The following MGAM variants were observed in gnomAD, a reference collection of about 807,000 sequenced individuals.
MGAM encodes the protein maltase-glucoamylase.
In MGAM, 253 loss-of-function variants were observed where a neutral mutation model predicts 358.8. That is an observed-to-expected ratio of 0.71 (90% CI 0.64 to 0.78). The LOEUF is 0.78. MGAM is among the 30% of genes least tolerant of loss of function. The pLI is 0.00. For synonymous variants in MGAM, 1,105 were observed against 1,227.1 expected (o/e 0.90, Z 2.08); for missense variants, 3,080 against 3,432.6 (o/e 0.90, Z 2.57).
chr7:142,059,263 G>T (rs1811855969), intron 31 of MGAM, among the ~76,000 whole-genome samples: 1 of 152,138 alleles, frequency 6.6e-6, no homozygotes, highest in Non-Finnish European at 1.5e-5. Context: ...AGCTTGTGCT[G>T]ACTTCGATTT....
chr7:142,038,547 A>G lies in MGAM; in HGVS notation c.2248A>G (p.Ser750Gly). The change falls in exon 19 of 71, where the codon AGC becomes GGC. Residue 750 changes from serine (S) to glycine (G), a missense_variant. Around this residue, in one of 5 missense-constraint regions of MGAM, gnomAD observed 1,816 missense variants for 1,840.5 expected, o/e 0.99. Transcript: ENST00000475668. ...PLLHEFYEDN[S>G]TWDVHQQFLW... The stretch of plus-strand genomic sequence containing the variant: ...GGTTTTCAGGTTCTACGAGGACAAC[A>G]GCACTTGGGATGTGCACCAACAGTT... 1 of 1,610,650 alleles carries G rather than the reference A, an allele frequency of 6.2e-7. No individual in the cohort carries two copies. Among genetic ancestry groups the G allele is most frequent in the South Asian group, 1.1e-5 (1 of 90,328 alleles).
At chr7:142,007,714 T>C (rs1805282148) in intron 2 of MGAM, among the ~76,000 whole-genome samples, 1 of 152,198 alleles carries the variant, frequency 6.6e-6, no homozygotes, top group Admixed American at 6.5e-5. Context: ...GATTTTTAAA[T>C]CTGAATTCAA....
intron 21 of MGAM, among the ~76,000 whole-genome samples, chr7:142,042,045 TATATA>T (rs1403886475): frequency 0.035 from 1,494 of 42,610 alleles, 165 homozygotes; most frequent in African/African-American, 0.19. Flanking sequence ...ATACATATAA[TATATA>T]ATATATATAC....
rs1554462921 is a variant in MGAM at position 142,030,468 on chromosome 7, A to G, written c.1328A>G (p.Asn443Ser). ...GAATTTGTCAACGAGTTACACAATA[A>G]TGGACAGAAGCTTGTCATCATTGTG... ...FPEFVNELHN[N>S]GQKLVIIVDP... Residue 443 changes from asparagine (N) to serine (S), a missense_variant, in exon 11 of 71, where the codon AAT becomes AGT. By Grantham distance (46) the Asn-to-Ser change is conservative (BLOSUM62 1). Around this residue, in one of 5 missense-constraint regions of MGAM, gnomAD observed 1,816 missense variants for 1,840.5 expected, o/e 0.99. Transcript: ENST00000475668. 3 of 1,613,720 alleles carry G rather than the reference A, an allele frequency of 1.9e-6. No individual in the cohort carries two copies. The highest frequency in any genetic ancestry group is 2.2e-5 in the East Asian group (1 of 44,848).
At chr7:142,035,143 C>T (rs1807872703) in intron 16 of MGAM, among the ~76,000 whole-genome samples, 1 of 152,034 alleles carries the variant, frequency 6.6e-6, no homozygotes, top group South Asian at 2.1e-4. Context: ...TGAATTTCAC[C>T]ACCTGAACAC....
At position 142,094,648 on chromosome 7, in the gene MGAM, A is replaced by T; in HGVS notation, c.7335A>T (p.Ile2445=). ...IGMMEFSLFG[I]SYTGADICGF... ...TGATGGAGTTCAGCCTCTTCGGCAT[A>T]TCCTATGTGAGTGTCCTTGGGATCC... Residue 2445 remains isoleucine (I), a synonymous_variant, in exon 62 of 71, where the codon ATA becomes ATT. Transcript: ENST00000475668. 1.2e-6 allele frequency: 2 copies of T among 1,611,524 alleles called. No individual in the cohort carries two copies. Among genetic ancestry groups the T allele is most frequent in the Middle Eastern group, 1.8e-4 (1 of 5,622 alleles).
intron 3 of MGAM, among the ~76,000 whole-genome samples, 187 bp from the exon 4 acceptor site, chr7:142,019,012 A>G (rs1344681964): frequency 2.6e-5 from 4 of 152,182 alleles, no homozygotes; most frequent in Non-Finnish European, 5.9e-5. Flanking sequence ...GACACTGGTC[A>G]GAAAAATTGG....
In MGAM at chr7:142,073,776, T is replaced by C. The variant is rs1414684629; in HGVS notation, c.5187-309T>C. Among the ~76,000 whole-genome samples, 8 of 146,130 alleles carry C rather than the reference T, an allele frequency of 5.5e-5. 2 individuals carry two copies. Among genetic ancestry groups the C allele is most frequent in the Non-Finnish European group, 6.2e-5 (4 of 64,556 alleles). On this transcript the variant is annotated intron_variant, in intron 44 of 70. Coordinates refer to ENST00000475668, the MANE Select transcript of MGAM (RefSeq NM_001365693.1). The stretch of plus-strand genomic sequence containing the variant: ...AGTTATTGCCTAAGATTTCTTTCTC[T>C]TCTCATACTCTGTATTCCGAACAGT...
In MGAM at chr7:142,031,722, A is replaced by C. The variant is rs1807509874; in HGVS notation, c.1513A>C (p.Asn505His). The C allele has an allele frequency of 1.2e-6, 2 of 1,613,474 alleles. No individual in the cohort carries two copies. The highest frequency in any genetic ancestry group is 8.5e-7 in the Non-Finnish European group (1 of 1,179,526). ...QTVFPDYTNP[N>H]CAVWWTKEFE... ...TGTGTTTCCTGATTATACCAATCCCAACTGTGCTGTTTGGTGGACAAAGGA... is the reference window on the plus strand; with the variant it reads ...TGTGTTTCCTGATTATACCAATCCCCACTGTGCTGTTTGGTGGACAAAGGA... Residue 505 changes from asparagine to histidine, a missense_variant, in exon 13 of 71, where the codon AAC (asparagine) becomes CAC (histidine). This residue lies in a region of MGAM where 1,816 missense variants were observed against 1,840.5 expected (regional missense o/e 0.99). Transcript: ENST00000475668.
chr7:142,024,831 T>C (rs782813023), intron 7 of MGAM, among the ~76,000 whole-genome samples: 1 of 152,196 alleles, frequency 6.6e-6, no homozygotes, highest in Non-Finnish European at 1.5e-5. Flanking sequence ...ACATTCCTTC[T>C]AGATGAATGA....
At chr7:142,033,922 C>T (rs1338300009) in intron 14 of MGAM, among the ~76,000 whole-genome samples, 1 of 152,168 alleles carries the variant, frequency 6.6e-6, no homozygotes, top group Admixed American at 6.5e-5. Context: ...TTAATTTACA[C>T]TTTCATTCAG....
upstream of MGAM, among the ~76,000 whole-genome samples, chr7:141,991,686 C>A (rs1438993806): frequency 6.6e-6 from 1 of 152,168 alleles, no homozygotes; most frequent in African/African-American, 2.4e-5. Context: ...CCGCCTGCCT[C>A]AGCCTCCCAA....
chr7:142,018,393 G>A (rs1309428478), intron 3 of MGAM, among the ~76,000 whole-genome samples: 1 of 152,210 alleles, frequency 6.6e-6, no homozygotes. Flanking sequence ...GAAGGTGAAA[G>A]AGAGCAAGCA....
upstream of MGAM, among the ~76,000 whole-genome samples, chr7:141,994,166 G>A (rs1804070432): frequency 6.6e-6 from 1 of 152,198 alleles, no homozygotes; most frequent in African/African-American, 2.4e-5. Context: ...GTGAGCCACT[G>A]CACCTGGCCT....
intron 28 of MGAM, 41 bp downstream of exon 28, chr7:142,055,767 C>G: frequency 6.2e-7 from 1 of 1,610,196 alleles, no homozygotes; most frequent in Non-Finnish European, 8.5e-7. Context: ...CTGCTTCTCT[C>G]CACCCACACT....
intron 42 of MGAM, 129 bp downstream of exon 42, chr7:142,067,554 C>T (rs969478016): frequency 3.0e-6 from 2 of 662,992 alleles, no homozygotes; most frequent in African/African-American, 3.5e-5. Context: ...GTCTCTTCCT[C>T]TCTTTCTGAG....
chr7:142,064,583 T>A (rs923459595), intron 37 of MGAM, 61 bp downstream of exon 37: 2 of 1,534,200 alleles, frequency 1.3e-6, no homozygotes, highest in East Asian at 2.5e-5. Context: ...GTGACTGACA[T>A]AGCTACCCTA....
intron 66 of MGAM, among the ~76,000 whole-genome samples, chr7:142,098,517 G>A (rs1323366028): frequency 6.6e-6 from 1 of 152,164 alleles, no homozygotes. Flanking sequence ...GGATTGCAGT[G>A]AGATTAGGTG....
intron 68 of MGAM, among the ~76,000 whole-genome samples, chr7:142,101,558 C>T (rs952530058): frequency 2.0e-5 from 3 of 151,828 alleles, no homozygotes; most frequent in Non-Finnish European, 4.4e-5. Flanking sequence ...TCTTAGACAG[C>T]ACAGTTCTAA....
Sources: allele counts gnomAD v4.1 joint callset (sites outside exome capture counted in the v4.1 genomes callset), GRCh38; gene constraint gnomAD v4.1.1; regional missense constraint gnomAD v4.1.1; transcripts MANE v1.5; gene names NCBI Gene and HGNC (gene_info 2026-07-23, HGNC 2026-07-21).